The following SLC26A3 variants were observed in gnomAD, a reference collection of about 807,000 sequenced individuals.
The protein encoded by SLC26A3 is solute carrier family 26 member 3.
A neutral mutation model predicts 85.6 loss-of-function variants in SLC26A3; 64 were observed. The ratio of observed to expected loss-of-function variants is 0.75; its 90% CI spans 0.61 to 0.92. The LOEUF (loss-of-function observed/expected upper bound fraction) is 0.92, where lower values mean the gene tolerates loss of function less well. Ranked by LOEUF, SLC26A3 falls within the 40% of genes least tolerant of loss-of-function variation. The probability of loss-of-function intolerance (pLI) is 0.00; values close to 1 mark genes in which losing one functional copy is unlikely to be tolerated. For missense variants in SLC26A3, 922 were observed against 927.3 expected, an observed-to-expected ratio of 0.99 and a Z score of 0.07; for synonymous variants, 349 against 336.0, an observed-to-expected ratio of 1.04 and a Z score of -0.42.
At chr7:107,786,048 G>A (rs1794289196) in intron 8 of SLC26A3, among the ~76,000 whole-genome samples, 1 of 152,136 alleles carries the variant, frequency 6.6e-6, no homozygotes. Context: ...TGTACAAACT[G>A]GACTTCTCAT....
In SLC26A3 at chr7:107,776,554, A is replaced by C; in HGVS notation, c.1585-10T>G. ...CTTCTGGCTCATACATCTGTAAGGCAGAGAAGCATTGTTAGGTGTTGCCCA... is the reference window on the plus strand; with the variant it reads ...CTTCTGGCTCATACATCTGTAAGGCCGAGAAGCATTGTTAGGTGTTGCCCA... On this transcript the variant is annotated splice_polypyrimidine_tract_variant and intron_variant, in intron 14 of 20. Coordinates refer to ENST00000340010, the MANE Select transcript of SLC26A3 (RefSeq NM_000111.3). 6.2e-7 allele frequency: 1 copy of C among 1,612,838 alleles called. No homozygotes were observed. The highest frequency in any genetic ancestry group is 8.5e-7 in the Non-Finnish European group (1 of 1,178,770).
At chr7:107,776,758 A>G (rs1212486233) in intron 13 of SLC26A3, 52 bp from the exon 14 acceptor site, 5 of 1,538,464 alleles carry the variant, frequency 3.2e-6, no homozygotes, top group Middle Eastern at 2.2e-4. Context: ...TGTTAAGCCT[A>G]TAAGGCTAAC....
Position 107,786,813 on chromosome 7 carries a change from G to A in SLC26A3, c.971+14C>T, listed in dbSNP as rs756086200. On this transcript the variant is annotated intron_variant, in intron 8 of 20. Transcript: ENST00000340010. ...CTTAGTGCATGGTGATGCCATCATC[G>A]AAGACACACTTACCCAGGATTCATG... The A allele has an allele frequency of 2.3e-5, 37 of 1,607,754 alleles. No homozygotes were observed. Among genetic ancestry groups the A allele is most frequent in the Admixed American group, 5.0e-5 (3 of 59,962 alleles).
At chr7:107,770,025 TC>T (rs1304994218) in intron 18 of SLC26A3, among the ~76,000 whole-genome samples, 12 of 44,352 alleles carry the variant, frequency 2.7e-4, no homozygotes, top group East Asian at 9.6e-4. Flanking sequence ...TTTCTTTCTT[TC>T]TTTCTTTCTT....
intron 3 of SLC26A3, 69 bp downstream of exon 3, chr7:107,793,673 G>C: frequency 8.1e-7 from 1 of 1,227,514 alleles, no homozygotes; most frequent in Non-Finnish European, 1.2e-6. Context: ...TATACGAAAA[G>C]TCCCTGAGCT....
In SLC26A3 at chr7:107,782,862, T is replaced by C. The variant is rs752669981; in HGVS notation, c.1246A>G (p.Ile416Val). ...TGGKTQIAGL[I>V]GAIIVLIVVL... ...ACAATCAGCACGATGATGGCACCAA[T>C]AAGCCCAGCAATCTGTGAGGATAAA... is the stretch of plus-strand genomic sequence containing the variant. Residue 416 changes from isoleucine (I) to valine (V), a missense_variant, in exon 11 of 21, where the codon ATT (isoleucine) becomes GTT (valine). Coordinates refer to ENST00000340010, the MANE Select transcript of SLC26A3 (RefSeq NM_000111.3). 3 of 1,613,988 alleles carry C rather than the reference T, an allele frequency of 1.9e-6. No homozygotes were observed. In the Admixed American group the frequency reaches 5.0e-5, roughly 27 times the overall value.
intron 18 of SLC26A3, among the ~76,000 whole-genome samples, chr7:107,770,707 T>G (rs528499195): frequency 8.5e-5 from 13 of 152,188 alleles, no homozygotes; most frequent in Non-Finnish European, 1.6e-4. Context: ...CACCCAGAAC[T>G]GTGCCTGATA....
At chr7:107,770,447 G>A (rs924177565) in intron 18 of SLC26A3, among the ~76,000 whole-genome samples, 3 of 148,522 alleles carry the variant, frequency 2.0e-5, no homozygotes, top group African/African-American at 5.0e-5. Context: ...TTTTAGAGAC[G>A]AGGTTTCACC....
chr7:107,797,211 C>T (rs924799525), intron 1 of SLC26A3, among the ~76,000 whole-genome samples: 30 of 152,236 alleles, frequency 2.0e-4, no homozygotes, highest in African/African-American at 6.7e-4. Context: ...GAAATCTTTC[C>T]GGCCAGGCGC....
chr7:107,800,052 G>A (rs543165382), intron 1 of SLC26A3, among the ~76,000 whole-genome samples: 1 of 152,232 alleles, frequency 6.6e-6, no homozygotes, highest in South Asian at 2.1e-4. Context: ...TTTGGCTCTG[G>A]TCTATCTCAC....
intron 2 of SLC26A3, 105 bp from the exon 3 acceptor site, chr7:107,793,986 T>C (rs1794451767): frequency 7.0e-7 from 1 of 1,420,412 alleles, no homozygotes. Flanking sequence ...AAGATTAAAC[T>C]AGTAATTTCA....
At chr7:107,770,124 C>T (rs1371908639) in intron 18 of SLC26A3, among the ~76,000 whole-genome samples, 1 of 81,100 alleles carries the variant, frequency 1.2e-5, no homozygotes, top group Non-Finnish European at 2.7e-5. Flanking sequence ...TCTTCTTTCT[C>T]TTTCTTTCTT....
Position 107,765,847 on chromosome 7 carries a change from T to C in SLC26A3, c.*8A>G, listed in dbSNP as rs377169910. 2.5e-6 allele frequency: 4 copies of C among 1,607,016 alleles called. No homozygotes were observed. Among genetic ancestry groups the C allele is most frequent in the Admixed American group, 1.7e-5 (1 of 59,896 alleles). ...GTCAGATGAAGATCCTTCTGAATTA[T>C]ATGTTGATTAGAATTTTGTTTCAAC... On this transcript the variant is annotated 3_prime_UTR_variant, in exon 21 of 21. Transcript: ENST00000340010.
chr7:107,774,935 C>G lies in SLC26A3; in HGVS notation c.1678-63G>C, dbSNP rs1318962063. Reference sequence around the variant, plus strand: ...ATTCTGTTATTTATATAGCATAGTTCTAACAACTTTAACTGGAGTGATTTG... The same window carrying G: ...ATTCTGTTATTTATATAGCATAGTTGTAACAACTTTAACTGGAGTGATTTG... On this transcript the variant is annotated intron_variant, in intron 15 of 20. Coordinates refer to ENST00000340010, the MANE Select transcript of SLC26A3 (RefSeq NM_000111.3). 5 of 1,229,172 alleles carry G rather than the reference C, an allele frequency of 4.1e-6. No individual in the cohort carries two copies. In the East Asian group the frequency reaches 1.2e-4, roughly 29 times the overall value. The allele number at this position is 1,229,172 out of a possible 1,614,324, so 76.1% of individuals were successfully genotyped here.
At chr7:107,797,220 G>A (rs183884650) in intron 1 of SLC26A3, among the ~76,000 whole-genome samples, 7 of 152,306 alleles carry the variant, frequency 4.6e-5, no homozygotes, top group African/African-American at 1.2e-4. Flanking sequence ...CCGGCCAGGC[G>A]CGGTGGCTTA....
chr7:107,796,548 T>A (rs1794503694), intron 1 of SLC26A3, among the ~76,000 whole-genome samples: 1 of 152,164 alleles, frequency 6.6e-6, no homozygotes, highest in African/African-American at 2.4e-5. Context: ...AGACAGTACT[T>A]CCCATTGTCA....
At chr7:107,785,815 T>C (rs1240033392) in intron 8 of SLC26A3, among the ~76,000 whole-genome samples, 8 of 151,802 alleles carry the variant, frequency 5.3e-5, no homozygotes, top group Admixed American at 3.9e-4. Context: ...TGTTTTAAAG[T>C]AAAAAAAATA....
chr7:107,787,051 T>G (rs1220160724), intron 7 of SLC26A3, 142 bp from the exon 8 acceptor site: 2 of 798,592 alleles, frequency 2.5e-6, no homozygotes, highest in Non-Finnish European at 4.2e-6. Flanking sequence ...TTTAAGAAAT[T>G]CGGAGGCAAT....
At chr7:107,795,911 T>C (rs1041514884) in intron 1 of SLC26A3, among the ~76,000 whole-genome samples, 2 of 152,198 alleles carry the variant, frequency 1.3e-5, no homozygotes, top group African/African-American at 4.8e-5. Flanking sequence ...AGGAATCAGA[T>C]GCTGGCCTCT....
Sources: allele counts gnomAD v4.1 joint callset (sites outside exome capture counted in the v4.1 genomes callset), GRCh38; gene constraint gnomAD v4.1.1; transcripts MANE v1.5; gene names NCBI Gene and HGNC (gene_info 2026-07-23, HGNC 2026-07-21).